The following EPHA3 variants were observed in gnomAD, a reference collection of about 807,000 sequenced individuals.
EPHA3 encodes the protein ephrin type-A receptor 3.
A neutral mutation model predicts 107.1 loss-of-function variants in EPHA3; 42 were observed. The ratio of observed to expected loss-of-function variants is 0.39; its 90% CI spans 0.31 to 0.51. EPHA3 has a LOEUF of 0.51. EPHA3 is among the 20% of genes least tolerant of loss of function. The pLI, the probability that EPHA3 is intolerant of heterozygous loss-of-function variation, is 0.78. For synonymous variants in EPHA3, 461 were observed against 424.8 expected (o/e 1.09, Z -1.05); for missense variants, 1,183 against 1,211.2 (o/e 0.98, Z 0.35).
At chr3:89,399,786 T>A (rs28623022) in intron 7 of EPHA3, 297,960 of 1,126,766 alleles carry the variant, frequency 0.26, 40,816 homozygotes, top group Non-Finnish European at 0.28. Flanking sequence ...GTAACACACT[T>A]CCAGTGTCTG....
intron 3 of EPHA3, among the ~76,000 whole-genome samples, chr3:89,316,093 A>G (rs573265251): frequency 2.6e-5 from 4 of 151,928 alleles, no homozygotes; most frequent in African/African-American, 9.6e-5. Context: ...CATAACCCAC[A>G]GCTTGCCTGG....
chr3:89,448,816 A>T (rs1004658553), intron 13 of EPHA3, among the ~76,000 whole-genome samples: 4 of 152,084 alleles, frequency 2.6e-5, no homozygotes, highest in African/African-American at 7.2e-5. Context: ...CACATTCTGA[A>T]CTTCGATTGC....
chr3:89,472,583 A>G lies in EPHA3; in HGVS notation c.2810A>G (p.Tyr937Cys). The stretch of plus-strand genomic sequence containing the variant: ...AAGGAAATCTTCACGGGTGTGGAGT[A>G]CAGTTCTTGTGACACAATAGCCAAG... The part of the protein sequence containing the change: ...HCKEIFTGVE[Y>C]SSCDTIAKIS... The change falls in exon 16 of 17, where the codon TAC becomes TGC. Residue 937 changes from tyrosine to cysteine, a missense_variant. Tyr to Cys is a radical substitution (Grantham distance 194). Coordinates refer to ENST00000336596, the MANE Select transcript of EPHA3 (RefSeq NM_005233.6). 1.2e-6 allele frequency: 2 copies of G among 1,613,712 alleles called. No individual in the cohort carries two copies. The highest frequency in any genetic ancestry group is 1.7e-6 in the Non-Finnish European group (2 of 1,179,686).
At chr3:89,301,293 A>C (rs1241266161) in intron 3 of EPHA3, among the ~76,000 whole-genome samples, 1 of 152,078 alleles carries the variant, frequency 6.6e-6, no homozygotes, top group Non-Finnish European at 1.5e-5. Flanking sequence ...CTTTCATTTT[A>C]AAGCTGCCAC....
In EPHA3 at chr3:89,479,881, G is replaced by T. The variant is rs1029522617; in HGVS notation, c.*379G>T. ...GTTTAGGTAGAGCCACAAAAGAAAAGACTTGTAATATTTTTATATACAGAG... is the reference window on the plus strand; with the variant it reads ...GTTTAGGTAGAGCCACAAAAGAAAATACTTGTAATATTTTTATATACAGAG... On this transcript the variant is annotated 3_prime_UTR_variant, in exon 17 of 17. Coordinates refer to ENST00000336596, the MANE Select transcript of EPHA3 (RefSeq NM_005233.6). 4 of 244,998 alleles carry T rather than the reference G, an allele frequency of 1.6e-5. No individual in the cohort carries two copies. The highest frequency in any genetic ancestry group is 6.6e-5 in the African/African-American group (3 of 45,486). The allele number at this position is 244,998 out of a possible 1,614,324, so 15.2% of individuals were successfully genotyped here.
chr3:89,350,199 T>C (rs1480540972), intron 5 of EPHA3, among the ~76,000 whole-genome samples: 2 of 151,004 alleles, frequency 1.3e-5, no homozygotes, highest in African/African-American at 2.4e-5. Context: ...CTGGATAATA[T>C]CCTGCAGAGT....
intron 5 of EPHA3, among the ~76,000 whole-genome samples, chr3:89,362,331 G>T (rs1051446399): frequency 6.6e-6 from 1 of 151,046 alleles, no homozygotes; most frequent in Non-Finnish European, 1.5e-5. Context: ...GAAATGGTGG[G>T]AGATTAGCCT....
intron 3 of EPHA3, among the ~76,000 whole-genome samples, chr3:89,318,805 T>C (rs765600618): frequency 6.6e-6 from 1 of 151,942 alleles, no homozygotes; most frequent in African/African-American, 2.4e-5. Flanking sequence ...ATGAGTTTTC[T>C]TATACTGTCT....
At chr3:89,196,504 A>T (rs1349089523) in intron 2 of EPHA3, among the ~76,000 whole-genome samples, 1 of 148,112 alleles carries the variant, frequency 6.8e-6, no homozygotes, top group South Asian at 2.1e-4. Flanking sequence ...CAGGTGTTTG[A>T]TAAATATGTG....
chr3:89,458,832 T>C (rs1481916501), intron 15 of EPHA3, among the ~76,000 whole-genome samples: 2 of 152,148 alleles, frequency 1.3e-5, no homozygotes, highest in Non-Finnish European at 2.9e-5. Context: ...ATATACACCA[T>C]GGAATACTAT....
intron 3 of EPHA3, among the ~76,000 whole-genome samples, chr3:89,239,789 G>A (rs1395733943): frequency 6.6e-6 from 1 of 152,122 alleles, no homozygotes; most frequent in Non-Finnish European, 1.5e-5. Flanking sequence ...AGATTGCATA[G>A]GTTGAGCCTT....
intron 13 of EPHA3, among the ~76,000 whole-genome samples, chr3:89,443,946 C>T (rs1376001607): frequency 6.6e-6 from 1 of 152,030 alleles, no homozygotes; most frequent in Non-Finnish European, 1.5e-5. Context: ...AAAGAAAGAC[C>T]ATGTATTTGG....
intron 13 of EPHA3, among the ~76,000 whole-genome samples, chr3:89,442,025 C>T (rs1034005052): frequency 1.3e-5 from 2 of 152,002 alleles, no homozygotes; most frequent in African/African-American, 4.8e-5. Flanking sequence ...GCACTTGTAT[C>T]TTACTAAAAT....
chr3:89,217,888 A>G (rs1207650048), intron 3 of EPHA3, among the ~76,000 whole-genome samples: 2 of 152,214 alleles, frequency 1.3e-5, no homozygotes, highest in Non-Finnish European at 2.9e-5. Flanking sequence ...GAAACTGAGA[A>G]GTGAATCTGA....
chr3:89,353,108 G>A (rs1707867783), intron 5 of EPHA3, among the ~76,000 whole-genome samples: 1 of 151,108 alleles, frequency 6.6e-6, no homozygotes, highest in Admixed American at 6.6e-5. Flanking sequence ...TCAGGCTTCA[G>A]CATTTCTGAA....
At chr3:89,218,518 T>C (rs531241390) in intron 3 of EPHA3, among the ~76,000 whole-genome samples, 194 of 152,230 alleles carry the variant, frequency 1.3e-3, no homozygotes, top group African/African-American at 4.6e-3. Flanking sequence ...TGCCACATTT[T>C]CTTAATCCAG....
chr3:89,281,229 T>G (rs1705941242), intron 3 of EPHA3, among the ~76,000 whole-genome samples: 2 of 152,138 alleles, frequency 1.3e-5, no homozygotes. Context: ...TTCACTGTGT[T>G]GCCCAGGCTG....
chr3:89,313,562 T>C (rs139290834), intron 3 of EPHA3, among the ~76,000 whole-genome samples: 8 of 152,162 alleles, frequency 5.3e-5, no homozygotes, highest in African/African-American at 1.9e-4. Context: ...CTTATTACAA[T>C]ATACTTCAAG....
chr3:89,192,883 C>T lies in EPHA3; in HGVS notation c.154-16977C>T, dbSNP rs527254645. On this transcript the variant is annotated intron_variant, in intron 2 of 16. Transcript: ENST00000336596. The stretch of plus-strand genomic sequence containing the variant: ...TTAAAATATACTGGATTTATTTAGC[C>T]TCATCAGATTAGGATATAGCCAAAA... Among the ~76,000 whole-genome samples, 39 of 152,038 alleles carry T rather than the reference C, an allele frequency of 2.6e-4. No homozygotes were observed. In the South Asian group the frequency reaches 7.3e-3, roughly 28 times the overall value.
Sources: gnomAD v4.1 joint callset for allele counts (sites outside exome capture counted in the v4.1 genomes callset) on GRCh38, gnomAD v4.1.1 for gene constraint, MANE v1.5 for transcripts, NCBI Gene and HGNC (gene_info 2026-07-23, HGNC 2026-07-21) for gene names.